CYP2A6: variants seen among roughly 807,000 people sequenced by gnomAD.
The protein encoded by CYP2A6 is cytochrome P450 family 2 subfamily A member 6, also known as cytochrome P450 2A6.
Under a neutral mutation model 42.3 loss-of-function variants are expected in CYP2A6, and 27 were observed. The observed-to-expected ratio is 0.64, with a 90% CI of 0.47 to 0.88. The LOEUF (loss-of-function observed/expected upper bound fraction) is 0.88, where lower values mean the gene tolerates loss of function less well. Among genes scored for constraint, CYP2A6 ranks in the 40% least tolerant of loss-of-function variants. The pLI is 0.00. For synonymous variants in CYP2A6, 238 were observed against 246.3 expected, an observed-to-expected ratio of 0.97 and a Z score of 0.31; for missense variants, 628 against 646.0, an observed-to-expected ratio of 0.97 and a Z score of 0.30.
In CYP2A6 at chr19:40,843,548, A is replaced by G; in HGVS notation, c.*248T>C. 1 of 638,720 alleles carries G rather than the reference A, an allele frequency of 1.6e-6. No homozygotes were observed. The highest frequency in any genetic ancestry group is 2.6e-6 in the Non-Finnish European group (1 of 388,096). 39.6% of individuals were successfully genotyped at this position (638,720 alleles called of 1,614,324 possible). ...TGACACGGGGGTACGTGCTCAGGAA[A>G]TAAGAGCTGCTATTATTACTACTCT... On this transcript the variant is annotated 3_prime_UTR_variant, in exon 9 of 9. Coordinates refer to ENST00000301141, the MANE Select transcript of CYP2A6 (RefSeq NM_000762.6).
chr19:40,848,077 T>A (rs944938629), intron 4 of CYP2A6, 142 bp downstream of exon 4: 23 of 1,440,434 alleles, frequency 1.6e-5, no homozygotes, highest in Admixed American at 8.2e-5. Context: ...CTGGTGCAAC[T>A]GTCCAGTTGT....
intron 6 of CYP2A6, 89 bp from the exon 7 acceptor site, chr19:40,845,570 T>C (rs4001930): frequency 5.1e-5 from 80 of 1,558,536 alleles, no homozygotes; most frequent in African/African-American, 6.8e-5. Flanking sequence ...GTGGATGATA[T>C]GGCTCCGCCT....
chr19:40,846,588 C>G (rs941816017), intron 5 of CYP2A6, among the ~76,000 whole-genome samples: 1 of 151,314 alleles, frequency 6.6e-6, no homozygotes, highest in African/African-American at 2.4e-5. Flanking sequence ...GCAACCTCTG[C>G]CCCCCTTCGC....
intron 8 of CYP2A6, among the ~76,000 whole-genome samples, chr19:40,844,218 A>C (rs776113633): frequency 6.6e-6 from 1 of 151,144 alleles, no homozygotes; most frequent in Non-Finnish European, 1.5e-5. Flanking sequence ...ATTAGGGTTT[A>C]CTCTGTGTTA....
At chr19:40,848,108 T>A in intron 4 of CYP2A6, 111 bp downstream of exon 4, 4 of 1,550,068 alleles carry the variant, frequency 2.6e-6, no homozygotes, top group Non-Finnish European at 3.5e-6. Context: ...GGACTGATTT[T>A]GAGGGGACAC....
chr19:40,849,035 A>AGGAGAGAGAGG (rs1386542545), intron 2 of CYP2A6, among the ~76,000 whole-genome samples: 1 of 22,558 alleles, frequency 4.4e-5, no homozygotes. Context: ...AGAGAGAGAG[A>AGGAGAGAGAGG]AGAGAGAGAG....
At chr19:40,848,952 G>GAA in intron 2 of CYP2A6, among the ~76,000 whole-genome samples, 189 bp from the exon 3 acceptor site, 1 of 125,660 alleles carries the variant, frequency 8.0e-6, no homozygotes, top group African/African-American at 3.3e-5. Flanking sequence ...GAGAGAGAGA[G>GAA]AGAGAGAGAG....
Position 40,850,306 on chromosome 19 carries a change from G to A in CYP2A6, c.121C>T (p.Pro41Ser), listed in dbSNP as rs1417214526. 2.5e-6 allele frequency: 4 copies of A among 1,610,032 alleles called. No individual in the cohort carries two copies. The African/African-American group carries it at 4.0e-5, about 16-fold the overall frequency. Residue 41 changes from proline to serine, a missense_variant, in exon 1 of 9, where the codon CCC (proline) becomes TCC (serine). This residue lies in a region of CYP2A6 where 606 missense variants were observed against 568.1 expected (regional missense o/e 1.07). Coordinates refer to ENST00000301141, the MANE Select transcript of CYP2A6 (RefSeq NM_000762.6). ...AGCTGCAGGTAGTTTCCAATGAAGG[G>A]CAATGGGGTGGGTCCCGGAGGCAGC... ...GKLPPGPTPL[P>S]FIGNYLQLNT...
chr19:40,848,617 C>T lies in CYP2A6; in HGVS notation c.490G>A (p.Gly164Ser), dbSNP rs780991462. 1.9e-6 allele frequency: 3 copies of T among 1,611,074 alleles called. No homozygotes were observed. In the South Asian group the frequency reaches 3.3e-5, roughly 18 times the overall value. The change falls in exon 3 of 9, where the codon GGC becomes AGC. Residue 164 changes from glycine (G) to serine (S), a missense_variant. Gly to Ser is a moderately conservative substitution (Grantham distance 56). This residue lies in a region of CYP2A6 where 606 missense variants were observed against 568.1 expected (regional missense o/e 1.07). Coordinates refer to ENST00000301141, the MANE Select transcript of CYP2A6 (RefSeq NM_000762.6). ...GFLIDALRGT[G>S]GANIDPTFFL... is the part of the protein sequence containing the mutation. ...GCACTCGGGGTCCCCTGCTCACCGC[C>T]AGTGCCCCGGAGGGCGTCGATGAGG...
intron 3 of CYP2A6, 26 bp downstream of exon 3, chr19:40,848,588 C>T (rs1282008800): frequency 7.5e-6 from 12 of 1,606,928 alleles, no homozygotes; most frequent in Non-Finnish European, 9.4e-6. Flanking sequence ...CTTCTCCTGC[C>T]CCCGCACTCG....
rs28399437 is a variant in CYP2A6 at position 40,850,039 on chromosome 19, G to C, written c.181-59C>G. 67 of 1,595,208 alleles carry C rather than the reference G, an allele frequency of 4.2e-5. No individual in the cohort carries two copies. In the African/African-American group the frequency reaches 7.7e-4, roughly 18 times the overall value. On this transcript the variant is annotated intron_variant, in intron 1 of 8. Transcript: ENST00000301141. ...AAGCCTCCACTCTGAATGGGGCCCA[G>C]CACCGAGATGTCATGTGCTGGGATG...
Position 40,845,476 on chromosome 19 carries a change from C to T in CYP2A6, c.979G>A (p.Val327Ile). The change falls in exon 7 of 9, where the codon GTC (valine) becomes ATC (isoleucine). Residue 327 changes from valine to isoleucine, a missense_variant. By Grantham distance (29) the Val-to-Ile change is conservative. Transcript: ENST00000301141. ...LMKHPEVEAK[V>I]HEEIDRVIGK... is the part of the protein sequence containing the mutation. ...ATCACTCTGTCAATCTCCTCATGGA[C>T]CTTGGCTGGGGGAGGAGGGGGAATG... is the stretch of plus-strand genomic sequence containing the variant. The T allele has an allele frequency of 1.2e-6, 2 of 1,611,392 alleles. No individual in the cohort carries two copies. The highest frequency in any genetic ancestry group is 1.7e-6 in the Non-Finnish European group (2 of 1,179,648).
Position 40,844,611 on chromosome 19 carries a change from A to C in CYP2A6, c.1303+20T>G, listed in dbSNP as rs1376174510. On this transcript the variant is annotated intron_variant, in intron 8 of 8. Transcript: ENST00000301141. ...CTGCTGGTGTGAGCCGTGGCCTGGCAGCAAACAGTGGTCTCTTACCGATGG... is the reference window on the plus strand; with the variant it reads ...CTGCTGGTGTGAGCCGTGGCCTGGCCGCAAACAGTGGTCTCTTACCGATGG... 1.2e-6 allele frequency: 2 copies of C among 1,611,296 alleles called. No individual in the cohort carries two copies. The highest frequency in any genetic ancestry group is 1.7e-6 in the Non-Finnish European group (2 of 1,179,692).
At chr19:40,848,432 G>T in intron 3 of CYP2A6, 53 bp from the exon 4 acceptor site, 2 of 1,606,578 alleles carry the variant, frequency 1.2e-6, no homozygotes, top group Non-Finnish European at 8.5e-7. Context: ...TCAGAGGTCT[G>T]AGGAGAGTCA....
At position 40,843,741 on chromosome 19, in the gene CYP2A6, G is replaced by T; in HGVS notation, c.*55C>A. 2 of 1,349,128 alleles carry T rather than the reference G, an allele frequency of 1.5e-6. 1 individual carries two copies. The highest frequency in any genetic ancestry group is 2.0e-6 in the Non-Finnish European group (2 of 1,011,042). 83.6% of individuals were successfully genotyped at this position (1,349,128 alleles called of 1,614,324 possible). A position where few individuals can be genotyped will look rare whatever the true frequency, so the allele number is the denominator to read the frequency against. On this transcript the variant is annotated 3_prime_UTR_variant, in exon 9 of 9. Transcript: ENST00000301141. ...GCGCCCCTCTCCCAAGCCCGGTCTT[G>T]GCCCTGCCCTTTCCCTGGCCCCGCC... is the stretch of plus-strand genomic sequence containing the variant.
rs1438233520 is a variant in CYP2A6 at position 40,844,742 on chromosome 19, C to T, written c.1192G>A (p.Val398Met). The change falls in exon 8 of 9, where the codon GTG becomes ATG. Residue 398 changes from valine to methionine, a missense_variant. Transcript: ENST00000301141. The part of the protein sequence containing the change: ...GTEVYPMLGS[V>M]LRDPSFFSNP... ...GAGAAGAAACTGGGGTCTCTCAGCA[C>T]AGAGCCCAGCATAGGGTACACTTCG... 15 of 1,611,446 alleles carry T rather than the reference C, an allele frequency of 9.3e-6. No individual in the cohort carries two copies. The highest frequency in any genetic ancestry group is 1.3e-5 in the Non-Finnish European group (15 of 1,179,798).
Position 40,848,356 on chromosome 19 carries a change from A to G in CYP2A6, c.517T>C (p.Phe173Leu). ...TGGANIDPTF[F>L]LSRTVSNVIS... ...ACATTGGAGACTGTGCGGCTCAGGAAGAAGGTGGGATCGATATTGGCGCCT... is the reference window on the plus strand; with the variant it reads ...ACATTGGAGACTGTGCGGCTCAGGAGGAAGGTGGGATCGATATTGGCGCCT... Residue 173 changes from phenylalanine to leucine, a missense_variant, in exon 4 of 9, where the codon TTC (phenylalanine) becomes CTC (leucine). Coordinates refer to ENST00000301141, the MANE Select transcript of CYP2A6 (RefSeq NM_000762.6). The G allele has an allele frequency of 1.2e-6, 2 of 1,611,944 alleles. 1 individual carries two copies. The highest frequency in any genetic ancestry group is 2.2e-5 in the South Asian group (2 of 90,930).
At chr19:40,845,512 T>G in intron 6 of CYP2A6, 31 bp from the exon 7 acceptor site, 3 of 1,608,214 alleles carry the variant, frequency 1.9e-6, no homozygotes, top group Non-Finnish European at 2.5e-6. Context: ...TGTTTAGGTA[T>G]CTAGGGGTCT....
rs59389036 is a variant in CYP2A6, at chr19:40,844,767, G to T, written c.1167C>A (p.Thr389=). ...KFRDFFLPKG[T]EVYPMLGSVL... is the part of the protein sequence containing the mutation. ...CAGAGCCCAGCATAGGGTACACTTC[G>T]GTGCCCTGGTAGGGAGGAGGAAGTT... Residue 389 remains threonine, a synonymous_variant, in exon 8 of 9, where the codon ACC becomes ACA. Transcript: ENST00000301141. 1.1e-5 allele frequency: 18 copies of T among 1,610,532 alleles called. 1 individual carries two copies. In the African/African-American group the frequency reaches 1.2e-4, roughly 11 times the overall value.
Sources: allele counts gnomAD v4.1 joint callset (sites outside exome capture counted in the v4.1 genomes callset), GRCh38; gene constraint gnomAD v4.1.1; regional missense constraint gnomAD v4.1.1; transcripts MANE v1.5; gene names NCBI Gene and HGNC (gene_info 2026-07-23, HGNC 2026-07-21).